KLHL7: variants seen among roughly 807,000 people sequenced by gnomAD.
KLHL7 encodes kelch-like protein 7.
In KLHL7, 44 loss-of-function variants were observed where a neutral mutation model predicts 67.4. That is an observed-to-expected ratio of 0.65 (90% CI 0.51 to 0.84). The LOEUF (loss-of-function observed/expected upper bound fraction) is 0.84. Among genes scored for constraint, KLHL7 ranks in the 40% least tolerant of loss-of-function variants. The pLI, the probability that KLHL7 is intolerant of heterozygous loss-of-function variation, is 0.00. For synonymous variants in KLHL7, 252 were observed against 243.3 expected, an observed-to-expected ratio of 1.04 and a Z score of -0.33; for missense variants, 362 against 718.1, an observed-to-expected ratio of 0.50 and a Z score of 5.67.
intron 1 of KLHL7, among the ~76,000 whole-genome samples, chr7:23,116,258 G>A (rs1409766961): frequency 2.0e-5 from 3 of 152,216 alleles, no homozygotes; most frequent in African/African-American, 7.2e-5. Context: ...GTCTCAGCTG[G>A]AGAATGGCCT....
chr7:23,138,156 A>G (rs1174905153), intron 4 of KLHL7, among the ~76,000 whole-genome samples: 1 of 151,570 alleles, frequency 6.6e-6, no homozygotes, highest in Admixed American at 6.5e-5. Context: ...AGCCTGGGCA[A>G]CAGACTGAGA....
chr7:23,168,905 G>A (rs1295883761), intron 9 of KLHL7, among the ~76,000 whole-genome samples: 1 of 152,140 alleles, frequency 6.6e-6, no homozygotes, highest in African/African-American at 2.4e-5. Context: ...TTATATTTAG[G>A]AAATATTGCC....
At chr7:23,125,717 G>C (rs1562560439) in intron 4 of KLHL7, 1 of 1,453,832 alleles carries the variant, frequency 6.9e-7, no homozygotes, top group Non-Finnish European at 9.1e-7. Flanking sequence ...GACTGCTATA[G>C]CCATTTTGAA....
chr7:23,129,187 C>T, intron 4 of KLHL7: 1 of 191,892 alleles, frequency 5.2e-6, no homozygotes, highest in South Asian at 9.4e-5. Flanking sequence ...AGGGGCATCT[C>T]CGCAGCTACT....
chr7:23,169,599 C>T (rs1785098181), intron 9 of KLHL7, among the ~76,000 whole-genome samples: 1 of 152,062 alleles, frequency 6.6e-6, no homozygotes, highest in Non-Finnish European at 1.5e-5. Context: ...CATAAAAACT[C>T]TAGGTTTCTA....
chr7:23,118,551 T>G (rs1490897500), intron 1 of KLHL7, among the ~76,000 whole-genome samples: 1 of 152,096 alleles, frequency 6.6e-6, no homozygotes, highest in Non-Finnish European at 1.5e-5. Flanking sequence ...GTTGTCGGTG[T>G]CCTCTGCCAC....
chr7:23,159,871 ATCT>A (rs1377282635), intron 7 of KLHL7, among the ~76,000 whole-genome samples: 1 of 152,072 alleles, frequency 6.6e-6, no homozygotes, highest in Non-Finnish European at 1.5e-5. Context: ...AAAAGTTTAA[ATCT>A]TCTCAGGATT....
At chr7:23,144,784 A>C (rs560261829) in intron 6 of KLHL7, among the ~76,000 whole-genome samples, 4 of 152,144 alleles carry the variant, frequency 2.6e-5, no homozygotes, top group African/African-American at 9.7e-5. Context: ...GACAAATCTC[A>C]TATGTTTATT....
chr7:23,127,566 G>A (rs942358334), intron 4 of KLHL7, among the ~76,000 whole-genome samples: 1 of 152,080 alleles, frequency 6.6e-6, no homozygotes, highest in Non-Finnish European at 1.5e-5. Context: ...TCAATTCTCT[G>A]CTGCCCAGAA....
chr7:23,163,929 C>T (rs955892760), intron 7 of KLHL7, among the ~76,000 whole-genome samples: 3 of 152,186 alleles, frequency 2.0e-5, no homozygotes, highest in African/African-American at 7.2e-5. Context: ...CCTGCCCACA[C>T]ACATATACCG....
chr7:23,117,494 G>T (rs1467541731), intron 1 of KLHL7, among the ~76,000 whole-genome samples: 3 of 151,990 alleles, frequency 2.0e-5, no homozygotes, highest in African/African-American at 7.3e-5. Flanking sequence ...GCTCTTAAAG[G>T]GCAATTATGC....
At position 23,105,831 on chromosome 7, in the gene KLHL7, G is replaced by A; in HGVS notation, c.-196G>A. On this transcript the variant is annotated 5_prime_UTR_variant, in exon 1 of 11. Transcript: ENST00000339077. ...CCCAGTTGGTAGCGTCGCTCCCTGA[G>A]CGTTTCTAAGGGGGCCGCCCGGCCT... 1.3e-6 allele frequency: 1 copy of A among 760,288 alleles called. No homozygotes were observed. Among genetic ancestry groups the A allele is most frequent in the South Asian group, 1.6e-5 (1 of 63,740 alleles). The allele number at this position is 760,288 out of a possible 1,614,324, so 47.1% of individuals were successfully genotyped here. A position where few individuals can be genotyped will look rare whatever the true frequency, so the allele number is the denominator to read the frequency against.
intron 6 of KLHL7, among the ~76,000 whole-genome samples, chr7:23,149,474 A>G (rs748068293): frequency 7.2e-5 from 11 of 152,124 alleles, no homozygotes; most frequent in Non-Finnish European, 1.5e-4. Context: ...TTCATAGACT[A>G]CACAGTCCAC....
chr7:23,163,100 A>G (rs1400340058), intron 7 of KLHL7, among the ~76,000 whole-genome samples: 7 of 152,116 alleles, frequency 4.6e-5, no homozygotes, highest in Non-Finnish European at 1.0e-4. Context: ...AAAATATCAC[A>G]CTGATCTTTT....
At chr7:23,114,223 A>G (rs758542022) in intron 1 of KLHL7, among the ~76,000 whole-genome samples, 19 of 152,158 alleles carry the variant, frequency 1.2e-4, no homozygotes, top group Non-Finnish European at 2.6e-4. Context: ...GGTTTGGGCC[A>G]AACCATCTCT....
chr7:23,174,847 A>C lies in KLHL7; in HGVS notation c.*549A>C. ...CCAGAGTGAGTCAAGGCATATACAC[A>C]CTTTCTCACAAAACTTCCTAAACAG... On this transcript the variant is annotated 3_prime_UTR_variant, in exon 11 of 11. Coordinates refer to ENST00000339077, the MANE Select transcript of KLHL7 (RefSeq NM_001031710.3). The C allele has an allele frequency of 2.2e-6, 1 of 454,574 alleles. No homozygotes were observed. Among genetic ancestry groups the C allele is most frequent in the South Asian group, 1.6e-5 (1 of 64,482 alleles). 28.2% of individuals were successfully genotyped at this position (454,574 alleles called of 1,614,324 possible).
Position 23,165,721 on chromosome 7 carries a change from C to T in KLHL7, c.960C>T (p.Arg320=). ...NPKDYSWTDI[R]CPFEKRRDAA... ...AGGATTATAGCTGGACAGACATCCG[C>T]TGCCCCTTTGAAAAACGAAGAGATG... The change falls in exon 8 of 11, where the codon CGC becomes CGT. Residue 320 remains arginine (R), a synonymous_variant. Coordinates refer to ENST00000339077, the MANE Select transcript of KLHL7 (RefSeq NM_001031710.3). 3 of 1,614,162 alleles carry T rather than the reference C, an allele frequency of 1.9e-6. No homozygotes were observed. The highest frequency in any genetic ancestry group is 2.5e-6 in the Non-Finnish European group (3 of 1,179,996).
At chr7:23,121,982 G>A (rs578243226) in intron 1 of KLHL7, among the ~76,000 whole-genome samples, 1 of 152,200 alleles carries the variant, frequency 6.6e-6, no homozygotes, top group African/African-American at 2.4e-5. Context: ...GCACCCGGCA[G>A]TCCCATCTCT....
At chr7:23,134,341 A>G (rs1053222072) in intron 4 of KLHL7, among the ~76,000 whole-genome samples, 8 of 152,080 alleles carry the variant, frequency 5.3e-5, no homozygotes, top group African/African-American at 1.7e-4. Flanking sequence ...GTGTTGTTGA[A>G]TTTGGTTTGC....
Sources: gnomAD v4.1 joint callset for allele counts (sites outside exome capture counted in the v4.1 genomes callset) on GRCh38, gnomAD v4.1.1 for gene constraint, MANE v1.5 for transcripts, NCBI Gene and HGNC (gene_info 2026-07-23, HGNC 2026-07-21) for gene names.